Variants in C5orf22 observed in about 807,000 individuals in gnomAD.
C5orf22 encodes UPF0489 protein C5orf22.
In C5orf22, 36 loss-of-function variants were observed where a neutral mutation model predicts 48.7. The observed-to-expected ratio is 0.74, with a 90% CI of 0.57 to 0.98. C5orf22 has a LOEUF of 0.98. Among genes scored for constraint, C5orf22 ranks in the 50% least tolerant of loss-of-function variants. The pLI is 0.00. For synonymous variants in C5orf22, 141 were observed against 180.8 expected (o/e 0.78, Z 1.76); for missense variants, 486 against 521.9 (o/e 0.93, Z 0.67).
At chr5:31,550,251 T>C (rs1241572674) in intron 7 of C5orf22, among the ~76,000 whole-genome samples, 1 of 152,204 alleles carries the variant, frequency 6.6e-6, no homozygotes, top group Admixed American at 6.5e-5. Context: ...TATGACATAG[T>C]TAAGTTCCAG....
At chr5:31,535,669 ATGT>A (rs1742024190) in intron 2 of C5orf22, 72 bp from the exon 3 acceptor site, 2 of 1,221,066 alleles carry the variant, frequency 1.6e-6, no homozygotes, top group Admixed American at 2.8e-5. Flanking sequence ...TGGTCTTAAA[ATGT>A]TGTGGATAAA....
intron 2 of C5orf22, among the ~76,000 whole-genome samples, chr5:31,535,285 T>C (rs1231524222): frequency 6.6e-6 from 1 of 152,246 alleles, no homozygotes; most frequent in Non-Finnish European, 1.5e-5. Flanking sequence ...GAGACAACTG[T>C]TATGCTTCAA....
In C5orf22 at chr5:31,541,296, ATTG is replaced by A; in HGVS notation, c.890_892del (p.Val297del). Reference sequence around the variant, plus strand: ...GTATTTAAAGGAAGATTTGGTAGATATTGTTGATACTCGAATTCATCAATTAGA... The same window carrying A: ...GTATTTAAAGGAAGATTTGGTAGATATTGATACTCGAATTCATCAATTAGA... On this transcript the variant is annotated inframe_deletion, in exon 6 of 9. Coordinates refer to ENST00000325366, the MANE Select transcript of C5orf22 (RefSeq NM_018356.3). The A allele has an allele frequency of 6.2e-7, 1 of 1,611,016 alleles. No individual in the cohort carries two copies. Among genetic ancestry groups the A allele is most frequent in the Non-Finnish European group, 8.5e-7 (1 of 1,177,168 alleles).
chr5:31,543,138 T>A (rs953402763), intron 6 of C5orf22, among the ~76,000 whole-genome samples: 4 of 152,258 alleles, frequency 2.6e-5, no homozygotes, highest in African/African-American at 9.6e-5. Context: ...TTGTAATTTT[T>A]ACTTAAAATA....
chr5:31,538,794 G>A, intron 4 of C5orf22, 105 bp downstream of exon 4: 1 of 842,052 alleles, frequency 1.2e-6, no homozygotes. Flanking sequence ...ATTATTTTAG[G>A]CTTTGGGGTT....
intron 4 of C5orf22, chr5:31,540,714 G>A: frequency 2.3e-6 from 1 of 430,368 alleles, no homozygotes; most frequent in Non-Finnish European, 4.2e-6. Flanking sequence ...GCTGGATAGA[G>A]TTGCCTTGAA....
rs1743474466 is a variant in C5orf22 at position 31,554,457 on chromosome 5, T to C, written c.*1555T>C. 1 of 152,228 alleles carries C rather than the reference T, an allele frequency of 6.6e-6. No individual in the cohort carries two copies. Among genetic ancestry groups the C allele is most frequent in the Non-Finnish European group, 1.5e-5 (1 of 68,052 alleles). 9.4% of individuals were successfully genotyped at this position (152,228 alleles called of 1,614,324 possible). A position where few individuals can be genotyped will look rare whatever the true frequency, so the allele number is the denominator to read the frequency against. On this transcript the variant is annotated 3_prime_UTR_variant, in exon 9 of 9. Coordinates refer to ENST00000325366, the MANE Select transcript of C5orf22 (RefSeq NM_018356.3). ...CCAAGTCTGATAGCATGAATGCTTA[T>C]TTGTGCTGTGAAAAGCAGAGCAGCC...
At chr5:31,548,395 A>G (rs928611997) in intron 7 of C5orf22, 5 of 244,662 alleles carry the variant, frequency 2.0e-5, no homozygotes, top group Non-Finnish European at 4.2e-5. Context: ...ATGCTAAATC[A>G]TCTCTCAACT....
Position 31,532,472 on chromosome 5 carries a change from A to G in C5orf22, c.80A>G (p.Glu27Gly), listed in dbSNP as rs758833591. 1 of 1,612,952 alleles carries G rather than the reference A, an allele frequency of 6.2e-7. No individual in the cohort carries two copies. Among genetic ancestry groups the G allele is most frequent in the East Asian group, 2.2e-5 (1 of 44,814 alleles). Residue 27 changes from glutamate to glycine, a missense_variant and splice_region_variant, in exon 1 of 9, where the codon GAG becomes GGG. Physicochemically the swap from Glu to Gly is moderately conservative, Grantham distance 98. Transcript: ENST00000325366. ...GTGTGGGTGGTGGAGGATCATCAGG[A>G]GGTGAGCGGACGGCAACAGGGCTCT... ...LPVWVVEDHQEVLPFIYRAIG... is the reference protein window; with the variant it reads ...LPVWVVEDHQGVLPFIYRAIG...
In C5orf22 at chr5:31,554,226, A is replaced by T. The variant is rs3733715; in HGVS notation, c.*1324A>T. The T allele has an allele frequency of 6.6e-6, 1 of 152,176 alleles. No homozygotes were observed. Among genetic ancestry groups the T allele is most frequent in the Admixed American group, 6.5e-5 (1 of 15,282 alleles). The allele number at this position is 152,176 out of a possible 1,614,324, so 9.4% of individuals were successfully genotyped here. A position where few individuals can be genotyped will look rare whatever the true frequency, so the allele number is the denominator to read the frequency against. On this transcript the variant is annotated 3_prime_UTR_variant, in exon 9 of 9. Transcript: ENST00000325366. ...CATCATTCCTCAGTCCCAACACAGC[A>T]GTTCTTTTCACTCTTGCTTGTAACT...
chr5:31,533,584 G>A (rs13169883), intron 1 of C5orf22, among the ~76,000 whole-genome samples: 16,522 of 152,030 alleles, frequency 0.11, 1,157 homozygotes, highest in Middle Eastern at 0.16. Context: ...TAGGTTAGAC[G>A]GTGCTTTCAA....
At position 31,532,603 on chromosome 5, in the gene C5orf22, T is replaced by C; in HGVS notation, c.81+130T>C. On this transcript the variant is annotated intron_variant, in intron 1 of 8. Coordinates refer to ENST00000325366, the MANE Select transcript of C5orf22 (RefSeq NM_018356.3). Reference sequence around the variant, plus strand: ...CCAGAGTTAAACTGCCCTATTCCGTTGCTGTGGAGAGGACCCCAAAACAGC... The same window carrying C: ...CCAGAGTTAAACTGCCCTATTCCGTCGCTGTGGAGAGGACCCCAAAACAGC... 4.1e-6 allele frequency: 3 copies of C among 737,460 alleles called. No homozygotes were observed. In the South Asian group the frequency reaches 5.6e-5, roughly 14 times the overall value. 45.7% of individuals were successfully genotyped at this position (737,460 alleles called of 1,614,324 possible).
At chr5:31,548,730 T>C (rs1035714907) in intron 7 of C5orf22, 2 of 320,922 alleles carry the variant, frequency 6.2e-6, no homozygotes, top group South Asian at 2.8e-5. Flanking sequence ...ACCAATTTAC[T>C]GTATTAGTCT....
chr5:31,545,658 A>G lies in C5orf22; in HGVS notation c.1005A>G (p.Leu335=). 1.7e-5 allele frequency: 28 copies of G among 1,611,416 alleles called. No individual in the cohort carries two copies. Among genetic ancestry groups the G allele is most frequent in the Non-Finnish European group, 2.4e-5 (28 of 1,178,236 alleles). The change falls in exon 7 of 9, where the codon CTA becomes CTG. Residue 335 remains leucine (L), a synonymous_variant. Coordinates refer to ENST00000325366, the MANE Select transcript of C5orf22 (RefSeq NM_018356.3). ...GGCTTTTTTCCAGAATGGAATCACT[A>G]GTTCCCCTTGTACAGAGTTTGAAAA... ...RWASNPGMES[L]VPLVQSLKKR... is the part of the protein sequence containing the mutation.
chr5:31,543,940 T>A (rs2150076715), intron 6 of C5orf22, among the ~76,000 whole-genome samples: 1 of 152,150 alleles, frequency 6.6e-6, no homozygotes, highest in Admixed American at 6.5e-5. Context: ...TAGACTGTGC[T>A]TGGTATTGAA....
chr5:31,533,528 C>T (rs1191796361), intron 1 of C5orf22, among the ~76,000 whole-genome samples: 2 of 152,158 alleles, frequency 1.3e-5, no homozygotes, highest in East Asian at 3.9e-4. Context: ...ATAGGTTTCT[C>T]AGGACCTGGA....
At chr5:31,541,601 T>G (rs1188884908) in intron 6 of C5orf22, among the ~76,000 whole-genome samples, 199 bp downstream of exon 6, 1 of 151,950 alleles carries the variant, frequency 6.6e-6, no homozygotes, top group Non-Finnish European at 1.5e-5. Context: ...AAAAAAAGGT[T>G]TTTTAATTAG....
intron 1 of C5orf22, 72 bp downstream of exon 1, chr5:31,532,545 G>A: frequency 1.3e-5 from 17 of 1,338,546 alleles, no homozygotes; most frequent in Non-Finnish European, 1.8e-5. Flanking sequence ...CAAGCAGAGG[G>A]CGCAACCTTA....
In C5orf22 at chr5:31,532,372, A is replaced by G. The variant is rs2150068659; in HGVS notation, c.-21A>G. The G allele has an allele frequency of 6.2e-7, 1 of 1,613,916 alleles. No homozygotes were observed. Among genetic ancestry groups the G allele is most frequent in the Non-Finnish European group, 8.5e-7 (1 of 1,179,880 alleles). ...TCTCCAGCTGCCACCGCTTTACTGCAAAACTGACGGGCGCAAAAACATGAG... is the reference window on the plus strand; with the variant it reads ...TCTCCAGCTGCCACCGCTTTACTGCGAAACTGACGGGCGCAAAAACATGAG... On this transcript the variant is annotated 5_prime_UTR_variant, in exon 1 of 9. Coordinates refer to ENST00000325366, the MANE Select transcript of C5orf22 (RefSeq NM_018356.3).
Sources: gnomAD v4.1 joint callset for allele counts (sites outside exome capture counted in the v4.1 genomes callset) on GRCh38, gnomAD v4.1.1 for gene constraint, MANE v1.5 for transcripts, NCBI Gene and HGNC (gene_info 2026-07-23, HGNC 2026-07-21) for gene names.